WDPCP: variants seen among roughly 807,000 people sequenced by gnomAD.
WDPCP encodes WD repeat-containing and planar cell polarity effector protein fritz homolog.
In WDPCP, 71 loss-of-function variants were observed where a neutral mutation model predicts 93.1. That is an observed-to-expected ratio of 0.76 (90% CI 0.63 to 0.93). WDPCP has a LOEUF of 0.93. WDPCP is among the 40% of genes least tolerant of loss of function. The probability of loss-of-function intolerance (pLI) is 0.00; values close to 1 mark genes in which losing one functional copy is unlikely to be tolerated. For missense variants in WDPCP, 844 were observed against 887.4 expected (o/e 0.95, Z 0.62); for synonymous variants, 315 against 315.0 (o/e 1.00, Z 0.00).
At chr2:63,793,572 T>C (rs1670574712) in intron 2 of WDPCP, among the ~76,000 whole-genome samples, 1 of 152,294 alleles carries the variant, frequency 6.6e-6, no homozygotes, top group South Asian at 2.1e-4. Context: ...GATTGTGCCA[T>C]TGCACCTAAG....
upstream of WDPCP, among the ~76,000 whole-genome samples, chr2:63,830,874 A>G (rs1473844550): frequency 3.3e-5 from 5 of 152,164 alleles, no homozygotes; most frequent in African/African-American, 4.8e-5. Flanking sequence ...TTAAAAAACT[A>G]TATGTTGACA....
chr2:63,762,379 A>C (rs1292431950), intron 2 of WDPCP, among the ~76,000 whole-genome samples: 3 of 152,198 alleles, frequency 2.0e-5, no homozygotes, highest in African/African-American at 4.8e-5. Flanking sequence ...ACATTTGTAC[A>C]CTGAGGAGGG....
chr2:63,410,563 C>T (rs931143662), intron 9 of WDPCP, among the ~76,000 whole-genome samples: 5 of 152,108 alleles, frequency 3.3e-5, no homozygotes, highest in Non-Finnish European at 4.4e-5. Context: ...TGAATGTAAA[C>T]GGCCTAAATG....
At chr2:63,237,955 A>G (rs1291269544) in intron 14 of WDPCP, among the ~76,000 whole-genome samples, 3 of 151,982 alleles carry the variant, frequency 2.0e-5, no homozygotes, top group East Asian at 3.9e-4. Flanking sequence ...ACAAACCTGT[A>G]CATGCATTCC....
At chr2:63,675,607 A>G (rs1323797492) in intron 2 of WDPCP, among the ~76,000 whole-genome samples, 1 of 152,156 alleles carries the variant, frequency 6.6e-6, no homozygotes, top group Non-Finnish European at 1.5e-5. Flanking sequence ...AATTATGCTT[A>G]GTCCTCCAAA....
At chr2:63,526,822 T>C (rs1319371160) in intron 1 of WDPCP, among the ~76,000 whole-genome samples, 1 of 152,222 alleles carries the variant, frequency 6.6e-6, no homozygotes, top group Non-Finnish European at 1.5e-5. Flanking sequence ...ATTGAGCTTA[T>C]CCTAGTCCAG....
At chr2:63,535,075 A>G (rs1704173981) in intron 1 of WDPCP, among the ~76,000 whole-genome samples, 1 of 152,164 alleles carries the variant, frequency 6.6e-6, no homozygotes. Flanking sequence ...TAATAGACAA[A>G]CAGAGAGCCA....
intron 15 of WDPCP, among the ~76,000 whole-genome samples, chr2:63,167,582 A>G (rs1354911620): frequency 6.6e-6 from 1 of 152,198 alleles, no homozygotes; most frequent in African/African-American, 2.4e-5. Context: ...GGTTCTTGTT[A>G]AACATTGCTG....
chr2:63,223,796 A>T (rs913929425), intron 14 of WDPCP, among the ~76,000 whole-genome samples: 1 of 152,144 alleles, frequency 6.6e-6, no homozygotes, highest in Non-Finnish European at 1.5e-5. Flanking sequence ...TTAAAAGATT[A>T]TCCTTTCTCT....
chr2:63,633,957 G>C (rs966808499), intron 3 of WDPCP, among the ~76,000 whole-genome samples: 1 of 152,068 alleles, frequency 6.6e-6, no homozygotes, highest in African/African-American at 2.4e-5. Flanking sequence ...AGCTACTCAC[G>C]AGGGTGAGGA....
At chr2:63,246,325 C>T (rs1162743430) in intron 14 of WDPCP, among the ~76,000 whole-genome samples, 4 of 152,088 alleles carry the variant, frequency 2.6e-5, no homozygotes, top group Non-Finnish European at 4.4e-5. Context: ...GGTTTGTGCT[C>T]ACTGCAGGGA....
intron 1 of WDPCP, among the ~76,000 whole-genome samples, chr2:63,521,895 T>C (rs1189441441): frequency 1.3e-5 from 2 of 151,980 alleles, no homozygotes; most frequent in Admixed American, 1.3e-4. Flanking sequence ...AACTACACAA[T>C]TGCATGGAAA....
chr2:63,831,683 G>GTATATA (rs146615119), upstream of WDPCP, among the ~76,000 whole-genome samples: 6 of 148,390 alleles, frequency 4.0e-5, no homozygotes, highest in South Asian at 8.5e-4. Flanking sequence ...ATTTGTGTGT[G>GTATATA]TATATATATA....
intron 2 of WDPCP, among the ~76,000 whole-genome samples, chr2:63,491,042 C>A (rs1008767386): frequency 6.6e-6 from 1 of 152,060 alleles, no homozygotes; most frequent in African/African-American, 2.4e-5. Context: ...TTTGGGATTT[C>A]TTTTTTCTAT....
chr2:63,676,005 C>G lies in WDPCP; in HGVS notation n.309-25167G>C, dbSNP rs556349647. The stretch of plus-strand genomic sequence containing the variant: ...ACTTTCCCTTTGGTCTATATATTTT[C>G]TCTAGGACTAATCTTTTTTACTTTT... On this transcript the variant is annotated intron_variant and non_coding_transcript_variant, in intron 2 of 4. Coordinates refer to the WDPCP transcript ENST00000467687. Among the ~76,000 whole-genome samples, 3 of 152,264 alleles carry G rather than the reference C, an allele frequency of 2.0e-5. No homozygotes were observed. In the East Asian group the frequency reaches 5.8e-4, roughly 29 times the overall value.
At chr2:63,620,295 C>G (rs2106633896) in intron 3 of WDPCP, among the ~76,000 whole-genome samples, 1 of 152,346 alleles carries the variant, frequency 6.6e-6, no homozygotes, top group East Asian at 1.9e-4. Flanking sequence ...ACTGCCAGCA[C>G]AGCAGTCTGA....
At chr2:63,513,059 G>A (rs1259413568) in intron 1 of WDPCP, among the ~76,000 whole-genome samples, 1 of 152,132 alleles carries the variant, frequency 6.6e-6, no homozygotes, top group Non-Finnish European at 1.5e-5. Flanking sequence ...AAGTTTCAGA[G>A]GGATAGCTTC....
At chr2:63,192,432 G>A (rs774701777) in intron 14 of WDPCP, among the ~76,000 whole-genome samples, 4 of 152,208 alleles carry the variant, frequency 2.6e-5, no homozygotes, top group Admixed American at 2.0e-4. Flanking sequence ...ACTCCTGGTT[G>A]CTAGGTAGGT....
chr2:63,221,199 A>G (rs1238020040), intron 14 of WDPCP, among the ~76,000 whole-genome samples: 1 of 152,194 alleles, frequency 6.6e-6, no homozygotes, highest in African/African-American at 2.4e-5. Flanking sequence ...TGTTGTCTAT[A>G]TCATATGTCG....
Sources: allele counts gnomAD v4.1 joint callset (sites outside exome capture counted in the v4.1 genomes callset), GRCh38; gene constraint gnomAD v4.1.1; transcripts MANE v1.5; gene names NCBI Gene and HGNC (gene_info 2026-07-23, HGNC 2026-07-21).